ZNF555: variants seen among roughly 807,000 people sequenced by gnomAD.
The protein encoded by ZNF555 is zinc finger protein 555.
Under a neutral mutation model 14.0 loss-of-function variants are expected in ZNF555, and 10 were observed. That is an observed-to-expected ratio of 0.72 (90% confidence interval 0.44 to 1.21). The LOEUF (loss-of-function observed/expected upper bound fraction) is 1.21, where lower values mean the gene tolerates loss of function less well. Ranked by LOEUF, ZNF555 falls within the 50% of genes most tolerant of loss-of-function variation. The probability of loss-of-function intolerance (pLI) is 0.00; values close to 1 mark genes in which losing one functional copy is unlikely to be tolerated. For missense variants in ZNF555, 747 were observed against 762.0 expected, an observed-to-expected ratio of 0.98 and a Z score of 0.23; for synonymous variants, 277 against 262.4, an observed-to-expected ratio of 1.06 and a Z score of -0.54.
intron 1 of ZNF555, among the ~76,000 whole-genome samples, chr19:2,844,951 G>A (rs1009924847): frequency 1.6e-4 from 25 of 152,196 alleles, no homozygotes; most frequent in Middle Eastern, 3.2e-3. Flanking sequence ...TCCATTGGCT[G>A]CAATGGAATC....
chr19:2,843,527 C>T (rs1252533299), intron 1 of ZNF555, among the ~76,000 whole-genome samples: 1 of 152,130 alleles, frequency 6.6e-6, no homozygotes, highest in Non-Finnish European at 1.5e-5. Flanking sequence ...ATCTCCTTTC[C>T]ACCATACGTG....
chr19:2,856,853 G>GC lies in ZNF555; in HGVS notation c.*2901_*2902insC, dbSNP rs2087687123. 6.6e-6 allele frequency: 1 copy of GC among 152,196 alleles called. No homozygotes were observed. The highest frequency in any genetic ancestry group is 2.4e-5 in the African/African-American group (1 of 41,442). 9.4% of individuals were successfully genotyped at this position (152,196 alleles called of 1,614,324 possible). A position where few individuals can be genotyped will look rare whatever the true frequency, so the allele number is the denominator to read the frequency against. ...GTTAATTGGAGCTGAAAACTAATCA[G>GC]TAAAGCCACAGCAGCCAGTCATATG... On this transcript the variant is annotated 3_prime_UTR_variant, in exon 4 of 4. Transcript: ENST00000334241.
Position 2,851,610 on chromosome 19 carries a change from T to C in ZNF555, c.273T>C (p.Leu91=). The change falls in exon 3 of 4, where the codon CTT becomes CTC. Residue 91 remains leucine, a synonymous_variant. Transcript: ENST00000334241. The part of the protein sequence containing the change: ...ASVLGKIWDS[L]SIEDQTTNQG... ...TTTTAGGAAAAATTTGGGACAGTCT[T>C]AGCATCGAAGATCAAACCACAAACC... 1 of 1,603,918 alleles carries C rather than the reference T, an allele frequency of 6.2e-7. No homozygotes were observed. The highest frequency in any genetic ancestry group is 8.5e-7 in the Non-Finnish European group (1 of 1,177,108).
chr19:2,844,078 C>G (rs2087561248), intron 1 of ZNF555, among the ~76,000 whole-genome samples: 1 of 130,222 alleles, frequency 7.7e-6, no homozygotes, highest in African/African-American at 3.0e-5. Flanking sequence ...CTCCCTCTTT[C>G]CTTTCTCTCT....
chr19:2,851,414 C>T (rs914228211), intron 2 of ZNF555, 54 bp from the exon 3 acceptor site: 54 of 1,458,214 alleles, frequency 3.7e-5, no homozygotes, highest in Non-Finnish European at 4.9e-5. Flanking sequence ...TCCTCAGTGT[C>T]GTTTTCCGCT....
Position 2,852,932 on chromosome 19 carries a change from TGCGGAA to T in ZNF555, c.870_875del (p.Glu291_Ala292del), listed in dbSNP as rs1302302383. 1 of 1,614,254 alleles carries T rather than the reference TGCGGAA, an allele frequency of 6.2e-7. No individual in the cohort carries two copies. Reference sequence around the variant, plus strand: ...AGAAGCCATATAAATGTAAGGAATGTGCGGAAGCCTTTAGTTATTCCTCAACTTTTC... The same window carrying T: ...AGAAGCCATATAAATGTAAGGAATGTGCCTTTAGTTATTCCTCAACTTTTC... On this transcript the variant is annotated inframe_deletion, in exon 4 of 4. Transcript: ENST00000334241.
chr19:2,851,535 C>T lies in ZNF555; in HGVS notation c.198C>T (p.Pro66=). 1 of 1,610,780 alleles carries T rather than the reference C, an allele frequency of 6.2e-7. No homozygotes were observed. The highest frequency in any genetic ancestry group is 1.7e-4 in the Middle Eastern group (1 of 6,054). ...SQQDIYGEKI[P]KESKIATFTR... is the part of the protein sequence containing the mutation. ...AGGATATTTATGGAGAGAAAATACC[C>T]AAGGAATCTAAAATAGCCACGTTCA... is the stretch of plus-strand genomic sequence containing the variant. Residue 66 remains proline, a synonymous_variant, in exon 3 of 4, where the codon CCC becomes CCT. Transcript: ENST00000334241.
intron 1 of ZNF555, among the ~76,000 whole-genome samples, chr19:2,844,342 A>G (rs958889969): frequency 3.3e-5 from 5 of 151,736 alleles, no homozygotes; most frequent in African/African-American, 1.2e-4. Context: ...ACCTCAGTTG[A>G]TCTGCCCGCC....
rs563562744 is a variant in ZNF555, at chr19:2,858,611, T to C, written c.*4659T>C. 1 of 152,346 alleles carries C rather than the reference T, an allele frequency of 6.6e-6. No individual in the cohort carries two copies. Among genetic ancestry groups the C allele is most frequent in the South Asian group, 2.1e-4 (1 of 4,824 alleles). 9.4% of individuals were successfully genotyped at this position (152,346 alleles called of 1,614,324 possible). On this transcript the variant is annotated 3_prime_UTR_variant, in exon 4 of 4. Coordinates refer to ENST00000334241, the MANE Select transcript of ZNF555 (RefSeq NM_152791.5). ...GTGTCTTCATGCTGGGAAACGTCTTTATGGATCCCCAAACTCCTCTTGCTG... is the reference window on the plus strand; with the variant it reads ...GTGTCTTCATGCTGGGAAACGTCTTCATGGATCCCCAAACTCCTCTTGCTG...
At chr19:2,851,747 G>A in intron 3 of ZNF555, 96 bp downstream of exon 3, 2 of 1,133,062 alleles carry the variant, frequency 1.8e-6, no homozygotes, top group South Asian at 2.3e-5. Context: ...ACTCATCCAA[G>A]CCTAGCTCCA....
chr19:2,844,040 T>C (rs1349100523), intron 1 of ZNF555, among the ~76,000 whole-genome samples: 1 of 151,586 alleles, frequency 6.6e-6, no homozygotes, highest in Non-Finnish European at 1.5e-5. Context: ...GCCTAATCTA[T>C]CTTTCTTTTC....
At position 2,855,768 on chromosome 19, in the gene ZNF555, G is replaced by T. The variant is rs543434561; in HGVS notation, c.*1816G>T. On this transcript the variant is annotated 3_prime_UTR_variant, in exon 4 of 4. Transcript: ENST00000334241. ...AGATGCTAGGGAAGGATCTGTTTCA[G>T]AACTCACCTAGCTTCTGGTAGTTCC... 6.6e-6 allele frequency: 1 copy of T among 152,234 alleles called. No individual in the cohort carries two copies. Among genetic ancestry groups the T allele is most frequent in the African/African-American group, 2.4e-5 (1 of 41,556 alleles). 9.4% of individuals were successfully genotyped at this position (152,234 alleles called of 1,614,324 possible).
In ZNF555 at chr19:2,860,015, A is replaced by G. The variant is rs1175348840; in HGVS notation, c.*6063A>G. The G allele has an allele frequency of 1.9e-5, 1 of 53,232 alleles. No homozygotes were observed. The highest frequency in any genetic ancestry group is 5.0e-5 in the Non-Finnish European group (1 of 20,062). 3.3% of individuals were successfully genotyped at this position (53,232 alleles called of 1,614,324 possible). ...GTCGTAGGGGCCCAAAACAAAGCAA[A>G]CAAACAAAAAAAAGGAATGCAAGTC... On this transcript the variant is annotated 3_prime_UTR_variant, in exon 4 of 4. Coordinates refer to ENST00000334241, the MANE Select transcript of ZNF555 (RefSeq NM_152791.5).
chr19:2,842,165 C>T (rs1048949725), intron 1 of ZNF555, among the ~76,000 whole-genome samples: 1 of 152,048 alleles, frequency 6.6e-6, no homozygotes, highest in Non-Finnish European at 1.5e-5. Flanking sequence ...GGTGGGGCCT[C>T]GGCGGGGGCG....
rs1175703517 is a variant in ZNF555 at position 2,859,546 on chromosome 19, T to C, written c.*5594T>C. ...CTGGGCGAGGAAGAGATACCAGTGATGTCCTAACTGAGCTCCCTGGGTCTG... is the reference window on the plus strand; with the variant it reads ...CTGGGCGAGGAAGAGATACCAGTGACGTCCTAACTGAGCTCCCTGGGTCTG... On this transcript the variant is annotated 3_prime_UTR_variant, in exon 4 of 4. Coordinates refer to ENST00000334241, the MANE Select transcript of ZNF555 (RefSeq NM_152791.5). 3 of 152,290 alleles carry C rather than the reference T, an allele frequency of 2.0e-5. No individual in the cohort carries two copies. Among genetic ancestry groups the C allele is most frequent in the African/African-American group, 4.8e-5 (2 of 41,426 alleles). 9.4% of individuals were successfully genotyped at this position (152,290 alleles called of 1,614,324 possible). A position where few individuals can be genotyped will look rare whatever the true frequency, so the allele number is the denominator to read the frequency against.
rs557446545 is a variant in ZNF555, at chr19:2,860,279, C to T, written c.*6327C>T. 6.6e-6 allele frequency: 1 copy of T among 151,632 alleles called. No individual in the cohort carries two copies. Among genetic ancestry groups the T allele is most frequent in the Non-Finnish European group, 1.5e-5 (1 of 67,890 alleles). 9.4% of individuals were successfully genotyped at this position (151,632 alleles called of 1,614,324 possible). A position where few individuals can be genotyped will look rare whatever the true frequency, so the allele number is the denominator to read the frequency against. On this transcript the variant is annotated 3_prime_UTR_variant, in exon 4 of 4. Transcript: ENST00000334241. The stretch of plus-strand genomic sequence containing the variant: ...GGTCCCATGTGTCTCAGTGGTGGTC[C>T]CTGTTTTCAGGAAAGAGTGTCTGTG...
At position 2,858,402 on chromosome 19, in the gene ZNF555, A is replaced by G. The variant is rs2087702069; in HGVS notation, c.*4450A>G. On this transcript the variant is annotated 3_prime_UTR_variant, in exon 4 of 4. Transcript: ENST00000334241. The stretch of plus-strand genomic sequence containing the variant: ...TTTGAGTTTACACCAGGTTCTTCCC[A>G]TCTGATCTTTGGGAATGCTGTGGTT... The G allele has an allele frequency of 6.6e-6, 1 of 152,222 alleles. No individual in the cohort carries two copies. The highest frequency in any genetic ancestry group is 6.5e-5 in the Admixed American group (1 of 15,280). The allele number at this position is 152,222 out of a possible 1,614,324, so 9.4% of individuals were successfully genotyped here.
rs541157617 is a variant in ZNF555 at position 2,844,576 on chromosome 19, C to A, written c.3+3001C>A. On this transcript the variant is annotated intron_variant, in intron 1 of 3. Coordinates refer to ENST00000334241, the MANE Select transcript of ZNF555 (RefSeq NM_152791.5). Reference sequence around the variant, plus strand: ...AAAATTGGCGGCTGGTCACAGAGGTCCCCTGTGCCTGGCTGTGCCAAGATT... The same window carrying A: ...AAAATTGGCGGCTGGTCACAGAGGTACCCTGTGCCTGGCTGTGCCAAGATT... Among the ~76,000 whole-genome samples the A allele has an allele frequency of 3.3e-5, 5 of 152,352 alleles. No homozygotes were observed. The East Asian group carries it at 5.8e-4, about 18-fold the overall frequency.
chr19:2,842,357 GA>G (rs1732230363), intron 1 of ZNF555, among the ~76,000 whole-genome samples: 1 of 152,208 alleles, frequency 6.6e-6, no homozygotes, highest in Admixed American at 6.5e-5. Context: ...AAAAGTAACT[GA>G]AAAGACTAGA....
Sources: gnomAD v4.1 joint callset for allele counts (sites outside exome capture counted in the v4.1 genomes callset) on GRCh38, gnomAD v4.1.1 for gene constraint, MANE v1.5 for transcripts, NCBI Gene and HGNC (gene_info 2026-07-23, HGNC 2026-07-21) for gene names.